GRM8: variants seen among roughly 807,000 people sequenced by gnomAD.
The protein encoded by GRM8 is metabotropic glutamate receptor 8.
GRM8 carries 47 observed loss-of-function variants against 87.2 expected under a neutral mutation model. That is an observed-to-expected ratio of 0.54 (90% CI 0.43 to 0.69). The LOEUF is 0.69. Among genes scored for constraint, GRM8 ranks in the 30% least tolerant of loss-of-function variants. The pLI is 0.00. For missense variants in GRM8, 1,019 were observed against 1,139.2 expected, an observed-to-expected ratio of 0.89 and a Z score of 1.52; for synonymous variants, 396 against 404.5, an observed-to-expected ratio of 0.98 and a Z score of 0.25.
intron 3 of GRM8, among the ~76,000 whole-genome samples, chr7:127,044,472 AAATT>A (rs1283383267): frequency 3.3e-5 from 5 of 152,160 alleles, no homozygotes; most frequent in Non-Finnish European, 7.3e-5. Flanking sequence ...TTAGATATTA[AAATT>A]AATTAAAATA....
At chr7:126,643,315 AAAAAATATATATATATATATAT>A (rs1457853931) in intron 7 of GRM8, among the ~76,000 whole-genome samples, 1 of 24,012 alleles carries the variant, frequency 4.2e-5, no homozygotes, top group African/African-American at 2.3e-4. Context: ...AAAAAAAAAA[AAAAAATATATATATATATATAT>A]ATATATATAT....
rs555923214 is a variant in GRM8, at chr7:127,095,220, G to A, written c.727+11276C>T. Among the ~76,000 whole-genome samples the A allele has an allele frequency of 3.9e-5, 6 of 152,316 alleles. No homozygotes were observed. In the South Asian group the frequency reaches 1.2e-3, roughly 32 times the overall value. On this transcript the variant is annotated intron_variant, in intron 3 of 10. Coordinates refer to ENST00000339582, the MANE Select transcript of GRM8 (RefSeq NM_000845.3). ...CACTGTGAGTTTGCAGTGACAGAGA[G>A]GGGCTCAGGGTTCACCCCAGGACAA...
intron 3 of GRM8, among the ~76,000 whole-genome samples, chr7:127,043,168 G>A (rs1012673019): frequency 7.2e-5 from 11 of 152,298 alleles, no homozygotes; most frequent in African/African-American, 2.6e-4. Flanking sequence ...CTGTTGGTGG[G>A]ACTGTAAACT....
intron 3 of GRM8, among the ~76,000 whole-genome samples, chr7:126,960,194 A>G (rs1809163691): frequency 6.6e-6 from 1 of 152,186 alleles, no homozygotes; most frequent in African/African-American, 2.4e-5. Context: ...TGAGGGAAAA[A>G]AAAGAAATCT....
chr7:126,691,338 G>C (rs1288795959), intron 7 of GRM8, among the ~76,000 whole-genome samples: 2 of 152,208 alleles, frequency 1.3e-5, no homozygotes, highest in East Asian at 3.9e-4. Flanking sequence ...GCAGGCACCG[G>C]GAGTGGGGAG....
chr7:127,108,610 C>T (rs1246411371), intron 2 of GRM8, among the ~76,000 whole-genome samples: 1 of 152,074 alleles, frequency 6.6e-6, no homozygotes, highest in Admixed American at 6.5e-5. Context: ...AATGAGCCAC[C>T]CTTTCTAAAA....
intron 7 of GRM8, among the ~76,000 whole-genome samples, chr7:126,673,324 T>A (rs1419493): frequency 0.7 from 105,744 of 152,026 alleles, 37,792 homozygotes; most frequent in African/African-American, 0.87. Flanking sequence ...GAACTAAGGG[T>A]AAGTCCTACA....
chr7:127,004,289 AGAGT>A (rs917703959), intron 3 of GRM8, among the ~76,000 whole-genome samples: 7 of 151,740 alleles, frequency 4.6e-5, no homozygotes, highest in African/African-American at 1.7e-4. Flanking sequence ...GTAATAAAAC[AGAGT>A]GAGTGGCAAA....
At chr7:126,955,819 G>GT (rs891285562) in intron 3 of GRM8, among the ~76,000 whole-genome samples, 6 of 152,176 alleles carry the variant, frequency 3.9e-5, no homozygotes, top group Admixed American at 3.9e-4. Context: ...CTCGATAGGA[G>GT]TTTTTTTATT....
chr7:126,452,244 T>C (rs1294759646), intron 9 of GRM8, among the ~76,000 whole-genome samples: 2 of 133,806 alleles, frequency 1.5e-5, no homozygotes, highest in African/African-American at 5.7e-5. Context: ...TGAGAACACT[T>C]GGACCCAGGA....
intron 6 of GRM8, among the ~76,000 whole-genome samples, chr7:126,774,152 A>G (rs1158313157): frequency 6.6e-6 from 1 of 152,182 alleles, no homozygotes; most frequent in Non-Finnish European, 1.5e-5. Flanking sequence ...ACCATTTCTA[A>G]ACTTAAAAGT....
chr7:126,603,766 T>C (rs1050929431), intron 8 of GRM8, among the ~76,000 whole-genome samples: 4 of 152,084 alleles, frequency 2.6e-5, no homozygotes, highest in Admixed American at 6.6e-5. Flanking sequence ...TGTGTATATA[T>C]GTATCATAGG....
chr7:127,068,400 G>A (rs1201490673), intron 3 of GRM8, among the ~76,000 whole-genome samples: 1 of 152,138 alleles, frequency 6.6e-6, no homozygotes, highest in Non-Finnish European at 1.5e-5. Context: ...TCAGAATGGG[G>A]GCTTGCAGTG....
chr7:126,825,852 T>C (rs983992865), intron 6 of GRM8, among the ~76,000 whole-genome samples: 1 of 151,764 alleles, frequency 6.6e-6, no homozygotes, highest in Non-Finnish European at 1.5e-5. Context: ...GTATATCTCC[T>C]AATGCTATCC....
At chr7:127,043,488 C>T (rs1319942579) in intron 3 of GRM8, among the ~76,000 whole-genome samples, 1 of 152,070 alleles carries the variant, frequency 6.6e-6, no homozygotes, top group Non-Finnish European at 1.5e-5. Flanking sequence ...AGCTGGAAAC[C>T]ATCATTCTCA....
At chr7:126,734,350 C>T (rs772359449) in intron 7 of GRM8, among the ~76,000 whole-genome samples, 14 of 151,752 alleles carry the variant, frequency 9.2e-5, no homozygotes, top group Non-Finnish European at 1.9e-4. Flanking sequence ...ATGGCAGTGG[C>T]TTGCCCTATT....
At chr7:126,934,692 A>G (rs776472836) in intron 3 of GRM8, among the ~76,000 whole-genome samples, 1 of 152,148 alleles carries the variant, frequency 6.6e-6, no homozygotes, top group Non-Finnish European at 1.5e-5. Context: ...TTTCTGTGAT[A>G]TAATTTCTAG....
Position 127,243,355 on chromosome 7 carries a change from A to G in GRM8, c.-151T>C, listed in dbSNP as rs1185386781. ...GCATTAGCAAGTTTTCTTGATTTGA[A>G]TGTCACAGTGAATTTCCATCAGACC... On this transcript the variant is annotated 5_prime_UTR_variant, in exon 2 of 11. Coordinates refer to ENST00000339582, the MANE Select transcript of GRM8 (RefSeq NM_000845.3). The G allele has an allele frequency of 7.7e-6, 5 of 647,950 alleles. No individual in the cohort carries two copies. The highest frequency in any genetic ancestry group is 7.3e-5 in the African/African-American group (4 of 54,934). The allele number at this position is 647,950 out of a possible 1,614,324, so 40.1% of individuals were successfully genotyped here.
rs1283830450 is a variant in GRM8 at position 127,119,361 on chromosome 7, C to G, written c.511-12649G>C. Among the ~76,000 whole-genome samples, 4 of 152,140 alleles carry G rather than the reference C, an allele frequency of 2.6e-5. No homozygotes were observed. The South Asian group carries it at 8.3e-4, about 32-fold the overall frequency. ...ATTAGCCAGGCATGGTGGTGTGTGA[C>G]TGTAGTCCTAGCTACTCAAGAGGCT... On this transcript the variant is annotated intron_variant, in intron 2 of 10. Transcript: ENST00000339582.
Sources: gnomAD v4.1 joint callset for allele counts (sites outside exome capture counted in the v4.1 genomes callset) on GRCh38, gnomAD v4.1.1 for gene constraint, MANE v1.5 for transcripts, NCBI Gene and HGNC (gene_info 2026-07-23, HGNC 2026-07-21) for gene names.